GDPD5: variants seen among roughly 807,000 people sequenced by gnomAD.
The protein encoded by GDPD5 is glycerophosphodiester phosphodiesterase 2.
Under a neutral mutation model 75.1 loss-of-function variants are expected in GDPD5, and 48 were observed. That is an observed-to-expected ratio of 0.64 (90% CI 0.51 to 0.81). GDPD5 has a LOEUF of 0.81. Ranked by LOEUF, GDPD5 falls within the 40% of genes least tolerant of loss-of-function variation. The pLI is 0.00. For synonymous variants in GDPD5, 336 were observed against 339.0 expected (o/e 0.99, Z 0.10); for missense variants, 706 against 822.6 (o/e 0.86, Z 1.73).
At chr11:75,468,089 T>A (rs142797587) in intron 3 of GDPD5, among the ~76,000 whole-genome samples, 26 of 152,294 alleles carry the variant, frequency 1.7e-4, no homozygotes, top group African/African-American at 5.8e-4. Flanking sequence ...GGGATGGCTC[T>A]GCTGCTGCCT....
chr11:75,496,559 G>C (rs1036547141), intron 1 of GDPD5, among the ~76,000 whole-genome samples: 4 of 152,204 alleles, frequency 2.6e-5, no homozygotes, highest in African/African-American at 9.6e-5. Flanking sequence ...TGTGTAAACT[G>C]TACAGTGTGC....
intron 3 of GDPD5, among the ~76,000 whole-genome samples, chr11:75,471,052 A>C (rs1949651303): frequency 6.6e-6 from 1 of 152,202 alleles, no homozygotes; most frequent in African/African-American, 2.4e-5. Context: ...AGAGGGAGAG[A>C]CTGAAGAGTG....
At chr11:75,480,301 C>T (rs1338793574) in intron 2 of GDPD5, among the ~76,000 whole-genome samples, 1 of 149,972 alleles carries the variant, frequency 6.7e-6, no homozygotes, top group African/African-American at 2.5e-5. Context: ...GCACTCCAGC[C>T]AGGGTGACAG....
At chr11:75,477,230 C>T (rs1290058002) in intron 3 of GDPD5, among the ~76,000 whole-genome samples, 1 of 152,174 alleles carries the variant, frequency 6.6e-6, no homozygotes, top group African/African-American at 2.4e-5. Flanking sequence ...CCTGCCAGCT[C>T]CCAGGCTCCA....
Position 75,449,940 on chromosome 11 carries a change from G to A in GDPD5, c.419C>T (p.Ser140Leu), listed in dbSNP as rs150831596. 82 of 1,613,690 alleles carry A rather than the reference G, an allele frequency of 5.1e-5. No individual in the cohort carries two copies. Among genetic ancestry groups the A allele is most frequent in the South Asian group, 6.6e-5 (6 of 91,090 alleles). ...VILASTVVAMSAVAQLWEDEW... is the reference protein window; with the variant it reads ...VILASTVVAMLAVAQLWEDEW... Reference sequence around the variant, plus strand: ...GTCCTCCCACAGCTGGGCCACGGCCGACATGGCCACCACCGTGGAAGCCAG... The same window carrying A: ...GTCCTCCCACAGCTGGGCCACGGCCAACATGGCCACCACCGTGGAAGCCAG... Residue 140 changes from serine (S) to leucine (L), a missense_variant, in exon 7 of 17, where the codon TCG becomes TTG. Transcript: ENST00000336898.
At chr11:75,485,916 C>A (rs1040007417) in intron 2 of GDPD5, among the ~76,000 whole-genome samples, 4 of 152,154 alleles carry the variant, frequency 2.6e-5, no homozygotes, top group African/African-American at 9.7e-5. Context: ...GGAAGGGGGG[C>A]AAGCATGCAG....
intron 4 of GDPD5, 126 bp downstream of exon 4, chr11:75,462,660 C>G (rs1949438879): frequency 7.1e-6 from 5 of 703,316 alleles, no homozygotes; most frequent in Admixed American, 4.4e-5. Flanking sequence ...CAGGGCCACA[C>G]AGAGAGCTGG....
intron 1 of GDPD5, among the ~76,000 whole-genome samples, chr11:75,491,391 T>C (rs1371945146): frequency 6.6e-6 from 1 of 152,212 alleles, no homozygotes; most frequent in African/African-American, 2.4e-5. Flanking sequence ...CAGTGGCTTC[T>C]CCTCTAAACT....
Position 75,477,730 on chromosome 11 carries a change from C to G in GDPD5, c.6G>C (p.Val2=). ...CGTAGTACTGCAGGGGCTGGTGTCT[C>G]ACCATACTCGTGCCCACGGCCCTGG... M[V]RHQPLQYYEP... The change falls in exon 3 of 17, where the codon GTG becomes GTC. Residue 2 remains valine, a synonymous_variant. Transcript: ENST00000336898. The G allele has an allele frequency of 6.4e-7, 1 of 1,570,918 alleles. No individual in the cohort carries two copies. The highest frequency in any genetic ancestry group is 8.7e-7 in the Non-Finnish European group (1 of 1,149,050).
intron 9 of GDPD5, chr11:75,448,503 T>C: frequency 1.0e-6 from 1 of 986,094 alleles, no homozygotes; most frequent in South Asian, 4.7e-5. Flanking sequence ...GAAGCTCTCC[T>C]GCAGGGCTAT....
intron 9 of GDPD5, among the ~76,000 whole-genome samples, chr11:75,447,253 G>A (rs184586920): frequency 1.1e-4 from 17 of 152,282 alleles, no homozygotes; most frequent in Admixed American, 9.2e-4. Context: ...ACCACATTTG[G>A]ATCCTGATTT....
chr11:75,449,699 A>T, intron 7 of GDPD5, 89 bp from the exon 8 acceptor site: 1 of 1,401,754 alleles, frequency 7.1e-7, no homozygotes, highest in Non-Finnish European at 9.9e-7. Context: ...CCTATGAGGC[A>T]GGCAACCCTG....
At chr11:75,477,268 C>T (rs556207693) in intron 3 of GDPD5, among the ~76,000 whole-genome samples, 48 of 152,350 alleles carry the variant, frequency 3.2e-4, no homozygotes, top group African/African-American at 1.2e-3. Context: ...TCCTCACCCT[C>T]TCCTCCAGCA....
intron 1 of GDPD5, among the ~76,000 whole-genome samples, chr11:75,501,349 C>T (rs1191661272): frequency 6.6e-6 from 1 of 152,222 alleles, no homozygotes; most frequent in Non-Finnish European, 1.5e-5. Flanking sequence ...CAAACACATG[C>T]GAACACACAG....
intron 2 of GDPD5, 93 bp from the exon 3 acceptor site, chr11:75,477,888 A>C: frequency 2.0e-6 from 1 of 493,046 alleles, no homozygotes; most frequent in East Asian, 3.2e-5. Context: ...AGGGAGGGTC[A>C]CCCCTGCTCA....
intron 1 of GDPD5, among the ~76,000 whole-genome samples, chr11:75,503,942 TA>T (rs1247343033): frequency 6.6e-5 from 10 of 152,252 alleles, no homozygotes; most frequent in Middle Eastern, 3.4e-3. Context: ...TGATCCCTCC[TA>T]AGGACAAGGC....
chr11:75,442,328 G>GCT, intron 12 of GDPD5, 35 bp downstream of exon 12: 8 of 1,489,118 alleles, frequency 5.4e-6, no homozygotes, highest in Non-Finnish European at 7.3e-6. Context: ...CCAGGCCAGG[G>GCT]CTCCCGGGGG....
At chr11:75,505,257 C>G (rs1283781395) in intron 1 of GDPD5, among the ~76,000 whole-genome samples, 1 of 152,194 alleles carries the variant, frequency 6.6e-6, no homozygotes, top group Non-Finnish European at 1.5e-5. Context: ...TGGGCAAGCA[C>G]AGATGGGCCT....
chr11:75,479,379 G>A (rs918872823), intron 2 of GDPD5: 1 of 152,174 alleles, frequency 6.6e-6, no homozygotes, highest in African/African-American at 2.4e-5. Context: ...AGGCCCTGGA[G>A]ACAATGTGAG....
Sources: allele counts gnomAD v4.1 joint callset (sites outside exome capture counted in the v4.1 genomes callset), GRCh38; gene constraint gnomAD v4.1.1; transcripts MANE v1.5; gene names NCBI Gene and HGNC (gene_info 2026-07-23, HGNC 2026-07-21).